TRDN: variants seen among roughly 807,000 people sequenced by gnomAD.
The protein encoded by TRDN is triadin in skeletal muscle.
In TRDN, 161 loss-of-function variants were observed where a neutral mutation model predicts 149.7. The observed-to-expected ratio is 1.08, with a 90% CI of 0.95 to 1.23. The LOEUF (loss-of-function observed/expected upper bound fraction) is 1.23, where lower values mean the gene tolerates loss of function less well. Among genes scored for constraint, TRDN ranks in the 50% most tolerant of loss-of-function variants. TRDN has a pLI of 0.00. For synonymous variants in TRDN, 294 were observed against 250.5 expected, an observed-to-expected ratio of 1.17 and a Z score of -1.64; for missense variants, 896 against 823.5, an observed-to-expected ratio of 1.09 and a Z score of -1.08.
chr6:123,600,658 A>G (rs1025213736), intron 1 of TRDN, among the ~76,000 whole-genome samples: 1 of 152,088 alleles, frequency 6.6e-6, no homozygotes, highest in Non-Finnish European at 1.5e-5. Flanking sequence ...ACACGGGGAT[A>G]TGAAGTGCAT....
At chr6:123,384,305 T>A (rs1022727177) in intron 14 of TRDN, among the ~76,000 whole-genome samples, 8 of 152,148 alleles carry the variant, frequency 5.3e-5, no homozygotes, top group Admixed American at 1.3e-4. Flanking sequence ...TGTCAGTTAG[T>A]TTGACTCCAC....
At chr6:123,234,407 C>T (rs1188107001) in intron 38 of TRDN, among the ~76,000 whole-genome samples, 2 of 151,984 alleles carry the variant, frequency 1.3e-5, no homozygotes, top group East Asian at 3.9e-4. Context: ...AGCTTTCATC[C>T]ATTCATTATA....
In TRDN at chr6:123,275,708, G is replaced by A. The variant is rs9401646; in HGVS notation, c.1568-1038C>T. Among the ~76,000 whole-genome samples the A allele has an allele frequency of 9.9e-5, 15 of 152,194 alleles. No homozygotes were observed. The East Asian group carries it at 2.7e-3, about 27-fold the overall frequency. On this transcript the variant is annotated intron_variant, in intron 26 of 40. Coordinates refer to ENST00000334268, the MANE Select transcript of TRDN (RefSeq NM_006073.4). ...AATTTTGAGACACTTAATATAGAAA[G>A]CCTAGATTGCTTTGAAGAGATTATT...
At chr6:123,568,218 G>T (rs1464215266) in intron 2 of TRDN, among the ~76,000 whole-genome samples, 2 of 152,206 alleles carry the variant, frequency 1.3e-5, no homozygotes, top group Non-Finnish European at 2.9e-5. Flanking sequence ...GAGGGGTGGG[G>T]TCCCAAGGAA....
intron 21 of TRDN, chr6:123,351,971 A>G (rs966773416): frequency 1.0e-6 from 1 of 978,364 alleles, no homozygotes; most frequent in Non-Finnish European, 1.2e-6. Context: ...AACTACATAA[A>G]TACAAATAAA....
intron 10 of TRDN, among the ~76,000 whole-genome samples, chr6:123,460,300 TAAAG>T (rs1026846569): frequency 6.6e-6 from 1 of 152,158 alleles, no homozygotes; most frequent in African/African-American, 2.4e-5. Context: ...TGGATACCAA[TAAAG>T]AGCTACCATA....
chr6:123,341,142 A>T (rs1780050490), intron 21 of TRDN, among the ~76,000 whole-genome samples: 1 of 151,958 alleles, frequency 6.6e-6, no homozygotes, highest in African/African-American at 2.4e-5. Flanking sequence ...ATGATTTAAA[A>T]TATTGTGTTT....
intron 21 of TRDN, chr6:123,350,208 T>C: frequency 1.0e-6 from 1 of 967,308 alleles, no homozygotes; most frequent in Non-Finnish European, 1.2e-6. Flanking sequence ...CTTAACTGAC[T>C]GTCGAAGTGA....
chr6:123,395,003 G>T (rs1471308770), intron 12 of TRDN, among the ~76,000 whole-genome samples: 1 of 151,972 alleles, frequency 6.6e-6, no homozygotes, highest in Non-Finnish European at 1.5e-5. Context: ...TGGAAGAAAA[G>T]AAGAAAATAA....
At chr6:123,234,379 C>T (rs1010256177) in intron 38 of TRDN, among the ~76,000 whole-genome samples, 5 of 151,934 alleles carry the variant, frequency 3.3e-5, no homozygotes, top group Admixed American at 6.6e-5. Flanking sequence ...TATATACACC[C>T]ATGTGTAGCC....
intron 6 of TRDN, among the ~76,000 whole-genome samples, chr6:123,513,678 A>G (rs1779281629): frequency 6.6e-6 from 1 of 152,166 alleles, no homozygotes; most frequent in Admixed American, 6.6e-5. Context: ...ATAAACATGA[A>G]GAAAATAACA....
chr6:123,574,238 A>G (rs1782716047), intron 1 of TRDN, among the ~76,000 whole-genome samples: 1 of 152,002 alleles, frequency 6.6e-6, no homozygotes, highest in Non-Finnish European at 1.5e-5. Context: ...GTGACAACAA[A>G]TCTCTTTTCG....
chr6:123,445,380 A>G (rs1487682998), intron 10 of TRDN, among the ~76,000 whole-genome samples: 2 of 132,272 alleles, frequency 1.5e-5, no homozygotes, highest in Non-Finnish European at 3.1e-5. Context: ...GACAAAATTG[A>G]CAAATGGGAT....
rs547574937 is a variant in TRDN, at chr6:123,394,178, C to T, written c.1052-501G>A. Reference sequence around the variant, plus strand: ...TGGCACCAATCACTATTAGTGTGGCCCTGGGCAAAATATATCCGAGAGAAT... The same window carrying T: ...TGGCACCAATCACTATTAGTGTGGCTCTGGGCAAAATATATCCGAGAGAAT... On this transcript the variant is annotated intron_variant, in intron 12 of 40. Transcript: ENST00000334268. Among the ~76,000 whole-genome samples the T allele has an allele frequency of 2.6e-5, 4 of 152,044 alleles. No homozygotes were observed. In the East Asian group the frequency reaches 7.7e-4, roughly 29 times the overall value.
chr6:123,272,833 T>C (rs965572950), intron 29 of TRDN, 131 bp downstream of exon 29: 23 of 673,190 alleles, frequency 3.4e-5, no homozygotes, highest in African/African-American at 2.5e-4. Flanking sequence ...AAATTGGAGA[T>C]GGTCTAGAAG....
chr6:123,456,411 T>G (rs1483117483), intron 10 of TRDN, among the ~76,000 whole-genome samples: 1 of 152,214 alleles, frequency 6.6e-6, no homozygotes, highest in Non-Finnish European at 1.5e-5. Flanking sequence ...AATATAAGTT[T>G]TATTCTAGTA....
At chr6:123,541,219 T>C (rs183049892) in intron 4 of TRDN, among the ~76,000 whole-genome samples, 327 of 152,310 alleles carry the variant, frequency 2.1e-3, no homozygotes, top group Non-Finnish European at 3.1e-3. Flanking sequence ...TTGAGTTGCC[T>C]CAGAGACTCT....
chr6:123,417,546 C>T (rs990390906), intron 12 of TRDN, among the ~76,000 whole-genome samples: 1 of 152,076 alleles, frequency 6.6e-6, no homozygotes, highest in Non-Finnish European at 1.5e-5. Context: ...CTTTATAAAG[C>T]GAAATCACAA....
At chr6:123,487,956 A>C (rs552050131) in intron 9 of TRDN, among the ~76,000 whole-genome samples, 1 of 152,248 alleles carries the variant, frequency 6.6e-6, no homozygotes, top group Non-Finnish European at 1.5e-5. Flanking sequence ...CTAATGCCTA[A>C]GTCTAAACTT....
Sources: allele counts gnomAD v4.1 joint callset (sites outside exome capture counted in the v4.1 genomes callset), GRCh38; gene constraint gnomAD v4.1.1; transcripts MANE v1.5; gene names NCBI Gene and HGNC (gene_info 2026-07-23, HGNC 2026-07-21).